TCF12: variants seen among roughly 807,000 people sequenced by gnomAD.
TCF12 encodes transcription factor 12.
Under a neutral mutation model 86.0 loss-of-function variants are expected in TCF12, and 45 were observed. The observed-to-expected ratio is 0.52, with a 90% CI of 0.41 to 0.67. The LOEUF is 0.67. Among genes scored for constraint, TCF12 ranks in the 30% least tolerant of loss-of-function variants. The pLI is 0.00. For missense variants in TCF12, 881 were observed against 859.9 expected (o/e 1.02, Z -0.31); for synonymous variants, 330 against 299.6 (o/e 1.10, Z -1.05).
intron 3 of TCF12, among the ~76,000 whole-genome samples, chr15:57,002,432 A>G (rs564424246): frequency 1.3e-5 from 2 of 152,284 alleles, no homozygotes; most frequent in East Asian, 3.9e-4. Flanking sequence ...TATAAAGTCT[A>G]TTAAAACAAA....
intron 5 of TCF12, among the ~76,000 whole-genome samples, chr15:57,160,246 G>A (rs549154465): frequency 1.3e-5 from 2 of 152,306 alleles, no homozygotes; most frequent in Non-Finnish European, 2.9e-5. Context: ...AGAGGCCTCA[G>A]GAAACTTAAA....
intron 18 of TCF12, 144 bp from the exon 19 acceptor site, chr15:57,272,886 G>A (rs1293367488): frequency 1.4e-5 from 10 of 740,176 alleles, no homozygotes; most frequent in Middle Eastern, 7.7e-4. Flanking sequence ...GGAATATACA[G>A]TCATGTTAAC....
chr15:57,259,919 A>G (rs1181282195), intron 16 of TCF12, among the ~76,000 whole-genome samples: 3 of 152,198 alleles, frequency 2.0e-5, no homozygotes, highest in African/African-American at 7.2e-5. Context: ...AAGAACTGTG[A>G]AAGTCAAATT....
At chr15:56,920,054 C>G (rs140090839) in intron 2 of TCF12, 66 bp downstream of exon 2, 19 of 1,568,006 alleles carry the variant, frequency 1.2e-5, no homozygotes, top group Middle Eastern at 1.7e-4. Flanking sequence ...TTGTTTGTTT[C>G]TTTTAAATAA....
chr15:56,976,128 A>G (rs1228713963), intron 3 of TCF12, among the ~76,000 whole-genome samples: 1 of 151,696 alleles, frequency 6.6e-6, no homozygotes, highest in Admixed American at 6.6e-5. Flanking sequence ...ATTTTTTTTT[A>G]AAGTGGAAAA....
intron 4 of TCF12, among the ~76,000 whole-genome samples, chr15:57,077,561 G>A (rs903055224): frequency 6.6e-6 from 1 of 150,998 alleles, no homozygotes; most frequent in Non-Finnish European, 1.5e-5. Flanking sequence ...TGCATTTTTT[G>A]GATTACAGGC....
At chr15:57,236,573 C>G (rs1178110930) in intron 12 of TCF12, among the ~76,000 whole-genome samples, 1 of 152,078 alleles carries the variant, frequency 6.6e-6, no homozygotes, top group Non-Finnish European at 1.5e-5. Context: ...CCCCAATTGT[C>G]TAATATATGT....
At chr15:56,932,396 C>T (rs1431382614) in intron 3 of TCF12, among the ~76,000 whole-genome samples, 1 of 152,046 alleles carries the variant, frequency 6.6e-6, no homozygotes, top group Non-Finnish European at 1.5e-5. Context: ...TACCAATCTA[C>T]AAGAGCATGG....
Position 57,286,815 on chromosome 15 carries a change from C to G in TCF12, c.*670C>G, listed in dbSNP as rs550682603. ...ATTTTTTGATTTATTTTTATTTTCT[C>G]TTTGTGGGTGTTATATTTGATCTCT... On this transcript the variant is annotated 3_prime_UTR_variant, in exon 21 of 21. Coordinates refer to ENST00000333725, the MANE Select transcript of TCF12 (RefSeq NM_207037.2). 2 of 377,662 alleles carry G rather than the reference C, an allele frequency of 5.3e-6. No individual in the cohort carries two copies. The highest frequency in any genetic ancestry group is 2.1e-5 in the African/African-American group (1 of 47,360). 23.4% of individuals were successfully genotyped at this position (377,662 alleles called of 1,614,324 possible). A position where few individuals can be genotyped will look rare whatever the true frequency, so the allele number is the denominator to read the frequency against.
intron 5 of TCF12, among the ~76,000 whole-genome samples, chr15:57,116,287 A>C (rs1362538848): frequency 6.6e-6 from 1 of 152,188 alleles, no homozygotes; most frequent in Non-Finnish European, 1.5e-5. Flanking sequence ...GCTGACTTTC[A>C]AATAAGATTA....
intron 8 of TCF12, among the ~76,000 whole-genome samples, chr15:57,206,830 C>G (rs1347221582): frequency 6.6e-6 from 1 of 150,462 alleles, no homozygotes; most frequent in Non-Finnish European, 1.5e-5. Flanking sequence ...TAAAGCTGGG[C>G]CATAGTGCCC....
chr15:57,257,455 T>C (rs761518020), intron 16 of TCF12, among the ~76,000 whole-genome samples: 2 of 151,960 alleles, frequency 1.3e-5, no homozygotes, highest in Non-Finnish European at 2.9e-5. Flanking sequence ...AGCAGGAGTT[T>C]GAAACCAACC....
At chr15:57,098,756 C>T (rs79773441) in intron 5 of TCF12, among the ~76,000 whole-genome samples, 7 of 152,086 alleles carry the variant, frequency 4.6e-5, no homozygotes, top group African/African-American at 1.7e-4. Context: ...TAACTTAAAC[C>T]GGGTGAAACA....
At chr15:57,017,036 C>G (rs2065193309) in intron 3 of TCF12, among the ~76,000 whole-genome samples, 1 of 152,128 alleles carries the variant, frequency 6.6e-6, no homozygotes, top group Non-Finnish European at 1.5e-5. Flanking sequence ...TATATTCTTG[C>G]TGGGATGTGA....
intron 4 of TCF12, among the ~76,000 whole-genome samples, chr15:57,067,630 A>G (rs2069011698): frequency 6.6e-6 from 1 of 151,910 alleles, no homozygotes; most frequent in African/African-American, 2.4e-5. Context: ...CACATTTCCT[A>G]AGCATGTCTC....
chr15:57,168,108 A>G (rs1277833912), intron 6 of TCF12, among the ~76,000 whole-genome samples: 2 of 152,202 alleles, frequency 1.3e-5, no homozygotes, highest in Admixed American at 1.3e-4. Context: ...GCTCAGTAGT[A>G]CAAGTCCAGC....
chr15:57,155,297 A>G (rs908814921), intron 5 of TCF12, among the ~76,000 whole-genome samples: 1 of 152,232 alleles, frequency 6.6e-6, no homozygotes, highest in Non-Finnish European at 1.5e-5. Context: ...GTATCCAGTT[A>G]TAATGAGTTA....
At position 57,068,284 on chromosome 15, in the gene TCF12, G is replaced by C. The variant is rs565421901; in HGVS notation, c.222+4461G>C. 4.8e-4 allele frequency among the ~76,000 whole-genome samples: 73 copies of C among 152,244 alleles called. 1 individual carries two copies. The highest frequency in any genetic ancestry group is 4.8e-3 in the Admixed American group (73 of 15,298). ...TAGATCAATGTCTGATATGTGGTGA[G>C]TGCTATATAAGTGTTGGCTTTAAAC... On this transcript the variant is annotated intron_variant, in intron 4 of 20. Coordinates refer to ENST00000333725, the MANE Select transcript of TCF12 (RefSeq NM_207037.2).
chr15:57,204,792 CAG>C (rs2057730417), intron 8 of TCF12, among the ~76,000 whole-genome samples: 1 of 151,298 alleles, frequency 6.6e-6, no homozygotes, highest in African/African-American at 2.4e-5. Flanking sequence ...AGATGACAAA[CAG>C]AACTTTCTGG....
Sources: gnomAD v4.1 joint callset for allele counts (sites outside exome capture counted in the v4.1 genomes callset) on GRCh38, gnomAD v4.1.1 for gene constraint, MANE v1.5 for transcripts, NCBI Gene and HGNC (gene_info 2026-07-23, HGNC 2026-07-21) for gene names.